TAF4: variants seen among roughly 807,000 people sequenced by gnomAD.
The protein encoded by TAF4 is transcription initiation factor TFIID subunit 4.
A neutral mutation model predicts 90.3 loss-of-function variants in TAF4; 9 were observed. That is an observed-to-expected ratio of 0.10 (90% CI 0.06 to 0.17). The LOEUF (loss-of-function observed/expected upper bound fraction) is 0.17, where lower values mean the gene tolerates loss of function less well. Among genes scored for constraint, TAF4 ranks in the 10% least tolerant of loss-of-function variants. The pLI is 1.00. For synonymous variants in TAF4, 818 were observed against 638.9 expected (o/e 1.28, Z -4.23); for missense variants, 1,351 against 1,370.7 (o/e 0.99, Z 0.23).
At chr20:62,036,604 A>G (rs568088503) in intron 1 of TAF4, among the ~76,000 whole-genome samples, 39 of 152,366 alleles carry the variant, frequency 2.6e-4, no homozygotes, top group Admixed American at 8.5e-4. Flanking sequence ...ACATGTGACC[A>G]ACAGGGGTTA....
chr20:61,999,965 A>G, intron 11 of TAF4, among the ~76,000 whole-genome samples, 159 bp downstream of exon 11: 1 of 152,190 alleles, frequency 6.6e-6, no homozygotes, highest in East Asian at 1.9e-4. Context: ...AAATCTTTCC[A>G]AAATCTAGTC....
At chr20:62,013,904 C>CG (rs201993541) in intron 2 of TAF4, among the ~76,000 whole-genome samples, 2 of 116,068 alleles carry the variant, frequency 1.7e-5, no homozygotes, top group Admixed American at 1.9e-4. Flanking sequence ...AAGGCTGACG[C>CG]GGGTGTGTGT....
Position 62,007,528 on chromosome 20 carries a change from C to A in TAF4, c.1974+19G>T, listed in dbSNP as rs777377065. 1.2e-6 allele frequency: 2 copies of A among 1,612,484 alleles called. No homozygotes were observed. Among genetic ancestry groups the A allele is most frequent in the Non-Finnish European group, 1.7e-6 (2 of 1,178,602 alleles). Reference sequence around the variant, plus strand: ...TCCCTGGCCCTACTGCTCGCAGGCACCGGGGCCTTTGAAATTACCTTCAGG... The same window carrying A: ...TCCCTGGCCCTACTGCTCGCAGGCAACGGGGCCTTTGAAATTACCTTCAGG... On this transcript the variant is annotated intron_variant, in intron 6 of 14. Coordinates refer to ENST00000252996, the MANE Select transcript of TAF4 (RefSeq NM_003185.4).
chr20:62,003,183 CTTGAGT>C lies in TAF4; in HGVS notation c.2457_2462del (p.Leu820_Lys821del), dbSNP rs1447095342. On this transcript the variant is annotated inframe_deletion, in exon 9 of 15. Coordinates refer to ENST00000252996, the MANE Select transcript of TAF4 (RefSeq NM_003185.4). ...ACCGAAACGAACCTCCCCCAGGCTC[CTTGAGT>C]TTATTTTTCTGTGCAGCAGCTGCTT... 8.7e-6 allele frequency: 14 copies of C among 1,614,186 alleles called. No homozygotes were observed. The East Asian group carries it at 8.9e-5, about 10-fold the overall frequency.
chr20:62,055,869 G>A (rs1437230765), intron 1 of TAF4, among the ~76,000 whole-genome samples: 1 of 152,210 alleles, frequency 6.6e-6, no homozygotes, highest in East Asian at 1.9e-4. Context: ...GGGGCTGTCA[G>A]CCTGGGACCC....
intron 12 of TAF4, among the ~76,000 whole-genome samples, chr20:61,998,630 T>C (rs2055678472): frequency 6.6e-6 from 1 of 152,180 alleles, no homozygotes; most frequent in Admixed American, 6.5e-5. Flanking sequence ...ATTCTATTAA[T>C]GAGCAGTGCC....
At chr20:62,002,112 C>A (rs1473874904) in intron 9 of TAF4, among the ~76,000 whole-genome samples, 4 of 152,214 alleles carry the variant, frequency 2.6e-5, no homozygotes, top group Admixed American at 1.3e-4. Context: ...GACTCCTTGA[C>A]AGCAAAATAC....
intron 1 of TAF4, among the ~76,000 whole-genome samples, chr20:62,055,085 A>G (rs1334682987): frequency 1.3e-5 from 2 of 152,324 alleles, no homozygotes; most frequent in Admixed American, 6.5e-5. Flanking sequence ...TGCCCTATCC[A>G]GCTTCAAACC....
At chr20:62,046,600 A>G (rs28382015) in intron 1 of TAF4, among the ~76,000 whole-genome samples, 2,034 of 152,334 alleles carry the variant, frequency 0.013, 51 homozygotes, top group African/African-American at 0.046. Context: ...CACTCATGGC[A>G]GGATGGACAC....
At chr20:62,052,289 G>A (rs911305037) in intron 1 of TAF4, among the ~76,000 whole-genome samples, 1 of 146,090 alleles carries the variant, frequency 6.8e-6, no homozygotes. Flanking sequence ...GAATCCAAAT[G>A]GGGCGCACTT....
intron 1 of TAF4, among the ~76,000 whole-genome samples, chr20:62,059,852 C>T (rs2056079807): frequency 6.6e-6 from 1 of 152,240 alleles, no homozygotes. Context: ...GCTTCAAGAT[C>T]CTCAAACACA....
chr20:62,061,717 T>C (rs552309939), intron 1 of TAF4, among the ~76,000 whole-genome samples: 14 of 152,360 alleles, frequency 9.2e-5, no homozygotes, highest in Admixed American at 7.8e-4. Context: ...TTTTCCGTGA[T>C]CTTGGGACAA....
chr20:62,027,840 C>A (rs1444384155), intron 1 of TAF4, among the ~76,000 whole-genome samples: 1 of 152,226 alleles, frequency 6.6e-6, no homozygotes. Flanking sequence ...TCGCTCCATG[C>A]GCACGGGGCA....
chr20:61,985,721 G>GACGTGATCCATCCCCAATCAA (rs2055584738), intron 14 of TAF4, among the ~76,000 whole-genome samples: 1 of 151,272 alleles, frequency 6.6e-6, no homozygotes, highest in Non-Finnish European at 1.5e-5. Context: ...ACTAGATCCT[G>GACGTGATCCATCCCCAATCAA]AGGCCTGAGG....
Position 61,997,666 on chromosome 20 carries a change from G to C in TAF4, c.2974C>G (p.Gln992Glu). The C allele has an allele frequency of 1.2e-6, 2 of 1,609,878 alleles. No individual in the cohort carries two copies. Among genetic ancestry groups the C allele is most frequent in the Non-Finnish European group, 1.7e-6 (2 of 1,178,696 alleles). ...CTCATTTGTGCCAGTTCCTGTTGCT[G>C]CATCTTTTATTTTGAAAAGGAGACA... is the stretch of plus-strand genomic sequence containing the variant. ...LRLKQKAKEM[Q>E]QQELAQMRQR... Residue 992 changes from glutamine (Q) to glutamate (E), a missense_variant, in exon 14 of 15, where the codon CAG becomes GAG. Gln to Glu is a conservative substitution (Grantham distance 29, BLOSUM62 2). Transcript: ENST00000252996.
intron 1 of TAF4, among the ~76,000 whole-genome samples, chr20:62,046,790 C>G (rs1349860712): frequency 6.6e-6 from 1 of 152,240 alleles, no homozygotes; most frequent in African/African-American, 2.4e-5. Context: ...TCAGCCGCAG[C>G]ATCCCACTGG....
chr20:61,982,616 C>A (rs1003017068), intron 14 of TAF4, among the ~76,000 whole-genome samples: 1 of 74,920 alleles, frequency 1.3e-5, no homozygotes, highest in Admixed American at 1.3e-4. Flanking sequence ...CAAACCCACA[C>A]CCACCCGAGA....
chr20:62,015,877 C>T (rs181826673), intron 1 of TAF4, among the ~76,000 whole-genome samples: 5 of 152,302 alleles, frequency 3.3e-5, no homozygotes, highest in Admixed American at 3.3e-4. Flanking sequence ...CTCTCCTGGG[C>T]TAACATCTAA....
intron 12 of TAF4, among the ~76,000 whole-genome samples, 154 bp downstream of exon 12, chr20:61,998,829 C>T (rs1295209921): frequency 6.6e-6 from 1 of 152,190 alleles, no homozygotes; most frequent in African/African-American, 2.4e-5. Flanking sequence ...TGAGGCTTCT[C>T]TTTGCAGCTC....
Sources: gnomAD v4.1 joint callset for allele counts (sites outside exome capture counted in the v4.1 genomes callset) on GRCh38, gnomAD v4.1.1 for gene constraint, MANE v1.5 for transcripts, NCBI Gene and HGNC (gene_info 2026-07-23, HGNC 2026-07-21) for gene names.